Variants in AP1B1 observed in about 807,000 individuals in gnomAD.
AP1B1 encodes AP-1 complex subunit beta-1.
In AP1B1, 36 loss-of-function variants were observed where a neutral mutation model predicts 104.3. That is an observed-to-expected ratio of 0.35 (90% CI 0.26 to 0.46). The LOEUF is 0.46. Among genes scored for constraint, AP1B1 ranks in the 20% least tolerant of loss-of-function variants. AP1B1 has a pLI of 1.00. For missense variants in AP1B1, 901 were observed against 1,247.9 expected (o/e 0.72, Z 4.19); for synonymous variants, 504 against 517.5 (o/e 0.97, Z 0.35).
chr22:29,385,018 G>A (rs1010138178), intron 1 of AP1B1, among the ~76,000 whole-genome samples: 16 of 152,190 alleles, frequency 1.1e-4, no homozygotes, highest in African/African-American at 3.9e-4. Flanking sequence ...CTCCAGCTAG[G>A]CAGGTAAGGT....
At chr22:29,383,939 A>C (rs1271779398) in intron 1 of AP1B1, among the ~76,000 whole-genome samples, 1 of 152,188 alleles carries the variant, frequency 6.6e-6, no homozygotes, top group East Asian at 1.9e-4. Context: ...AAAGACCCAG[A>C]CAGCATGAGG....
chr22:29,378,747 T>C (rs174771), intron 1 of AP1B1, among the ~76,000 whole-genome samples: 58,005 of 149,600 alleles, frequency 0.39, 12,243 homozygotes, highest in Admixed American at 0.53. Context: ...TAGTCCCAGC[T>C]ACTCGGGAGG....
At chr22:29,382,029 A>T (rs60503689) in intron 1 of AP1B1, among the ~76,000 whole-genome samples, 2,052 of 152,024 alleles carry the variant, frequency 0.013, 57 homozygotes, top group African/African-American at 0.046. Context: ...AACAAAAAAA[A>T]AATACCTTTC....
At chr22:29,335,258 C>T (rs955706504) in intron 16 of AP1B1, among the ~76,000 whole-genome samples, 23 of 152,140 alleles carry the variant, frequency 1.5e-4, no homozygotes, top group African/African-American at 5.6e-4. Context: ...GCCTCTCAGG[C>T]GGTTACTCTC....
intron 1 of AP1B1, among the ~76,000 whole-genome samples, chr22:29,372,055 A>G (rs912938224): frequency 2.0e-5 from 3 of 152,194 alleles, no homozygotes; most frequent in African/African-American, 7.2e-5. Context: ...TCTCACACCC[A>G]CATTTGAAAG....
intron 8 of AP1B1, 164 bp from the exon 9 acceptor site, chr22:29,351,430 A>G (rs1225377296): frequency 1.1e-6 from 1 of 929,856 alleles, no homozygotes. Flanking sequence ...CTGAAAAGGA[A>G]AGAAGGCCTG....
chr22:29,373,637 A>G (rs5763172), intron 1 of AP1B1, among the ~76,000 whole-genome samples: 56,672 of 152,040 alleles, frequency 0.37, 11,482 homozygotes, highest in East Asian at 0.68. Flanking sequence ...TGCTGGGCGC[A>G]GAGGCCTGTA....
chr22:29,351,104 C>T, intron 9 of AP1B1, 67 bp downstream of exon 9: 1 of 1,468,516 alleles, frequency 6.8e-7, no homozygotes, highest in Admixed American at 1.8e-5. Flanking sequence ...CTGCTTGAAT[C>T]AGACTGGTTT....
chr22:29,359,923 C>G lies in AP1B1; in HGVS notation c.180G>C (p.Thr60=). The change falls in exon 4 of 23, where the codon ACG becomes ACC. Residue 60 remains threonine, a synonymous_variant. Coordinates refer to ENST00000357586, the MANE Select transcript of AP1B1 (RefSeq NM_001127.4). ...LFPDVVNCMQ[T]DNLELKKLVY... is the part of the protein sequence containing the mutation. The stretch of plus-strand genomic sequence containing the variant: ...CTAGCTTCTTCAGCTCCAGGTTGTC[C>G]GTCTGCATGCAGTTGACCACATCGG... The G allele has an allele frequency of 1.2e-6, 2 of 1,613,986 alleles. No individual in the cohort carries two copies. The highest frequency in any genetic ancestry group is 1.7e-6 in the Non-Finnish European group (2 of 1,179,934).
chr22:29,376,652 A>G (rs974081407), intron 1 of AP1B1, among the ~76,000 whole-genome samples: 3 of 129,652 alleles, frequency 2.3e-5, no homozygotes, highest in East Asian at 7.1e-4. Flanking sequence ...AAGTTAGGGA[A>G]GAGTGGAAAA....
intron 7 of AP1B1, among the ~76,000 whole-genome samples, 154 bp from the exon 8 acceptor site, chr22:29,351,979 A>G (rs1187689544): frequency 6.6e-6 from 1 of 152,230 alleles, no homozygotes; most frequent in African/African-American, 2.4e-5. Flanking sequence ...GCTCCTGGGT[A>G]GAGGGCCCAG....
intron 1 of AP1B1, among the ~76,000 whole-genome samples, chr22:29,368,082 G>A (rs1303961964): frequency 1.3e-5 from 2 of 152,272 alleles, no homozygotes; most frequent in African/African-American, 4.8e-5. Context: ...TGGATCACCT[G>A]AGGTCAGGAG....
In AP1B1 at chr22:29,329,452, T is replaced by C. The variant is rs116730528; in HGVS notation, c.2775+260A>G. ...AAAGCACTGGTTCTGCAGGGTGCAG[T>C]TAGGAAGTGGGAACAATGGAGTTCC... On this transcript the variant is annotated intron_variant, in intron 22 of 22. Transcript: ENST00000357586. 1.9e-3 allele frequency: 2,564 copies of C among 1,362,586 alleles called. 51 individuals carry two copies. The African/African-American group carries it at 0.032, about 17-fold the overall frequency. 84.4% of individuals were successfully genotyped at this position (1,362,586 alleles called of 1,614,324 possible). A position where few individuals can be genotyped will look rare whatever the true frequency, so the allele number is the denominator to read the frequency against.
chr22:29,385,882 G>C (rs1396201046), intron 1 of AP1B1, among the ~76,000 whole-genome samples: 1 of 152,214 alleles, frequency 6.6e-6, no homozygotes, highest in Non-Finnish European at 1.5e-5. Context: ...GTTAAGACAT[G>C]CAAGAGTTTC....
At chr22:29,387,403 G>A (rs776450355) in intron 1 of AP1B1, among the ~76,000 whole-genome samples, 1 of 151,866 alleles carries the variant, frequency 6.6e-6, no homozygotes, top group African/African-American at 2.4e-5. Flanking sequence ...CACCTCCTGG[G>A]TTCAAGCGAT....
chr22:29,355,804 T>C (rs968003959), intron 6 of AP1B1, among the ~76,000 whole-genome samples: 3 of 151,038 alleles, frequency 2.0e-5, no homozygotes, highest in Admixed American at 6.6e-5. Context: ...GGAGAATTGA[T>C]TGAGCCCTGC....
Position 29,358,794 on chromosome 22 carries a change from C to A in AP1B1, c.457G>T (p.Ala153Ser), listed in dbSNP as rs1219112521. The A allele has an allele frequency of 1.2e-6, 2 of 1,614,088 alleles. No homozygotes were observed. Among genetic ancestry groups the A allele is most frequent in the Admixed American group, 3.3e-5 (2 of 60,000 alleles). Residue 153 changes from alanine (A) to serine (S), a missense_variant, in exon 5 of 23, where the codon GCC (alanine) becomes TCC (serine). By Grantham distance (99) the Ala-to-Ser change is moderately conservative. This residue lies in a region of AP1B1 where 471 missense variants were observed against 696.7 expected (regional missense o/e 0.68). Transcript: ENST00000357586. ...AAGCCCTGGTCCTCCACCAGCTGGG[C>A]GTTGATGTCGTGGAGCTTGGCCACG... ...VCVAKLHDIN[A>S]QLVEDQGFLD...
chr22:29,342,314 C>T lies in AP1B1; in HGVS notation c.1507G>A (p.Val503Met). The T allele has an allele frequency of 6.2e-7, 1 of 1,614,088 alleles. No homozygotes were observed. Among genetic ancestry groups the T allele is most frequent in the Non-Finnish European group, 8.5e-7 (1 of 1,179,968 alleles). Reference sequence around the variant, plus strand: ...GTGGCCAAACTGAGGACCTGCTGCACCAGCTCCTGGGTCTCTGTTGGCTTC... The same window carrying T: ...GTGGCCAAACTGAGGACCTGCTGCATCAGCTCCTGGGTCTCTGTTGGCTTC... ...LKKPTETQEL[V>M]QQVLSLATQD... The change falls in exon 12 of 23, where the codon GTG (valine) becomes ATG (methionine). Residue 503 changes from valine to methionine, a missense_variant. Coordinates refer to ENST00000357586, the MANE Select transcript of AP1B1 (RefSeq NM_001127.4).
chr22:29,339,875 G>T, intron 14 of AP1B1, 101 bp from the exon 15 acceptor site: 1 of 1,278,744 alleles, frequency 7.8e-7, no homozygotes. Flanking sequence ...GGGAAAGAGG[G>T]AGATTAGTCA....
Sources: gnomAD v4.1 joint callset for allele counts (sites outside exome capture counted in the v4.1 genomes callset) on GRCh38, gnomAD v4.1.1 for gene constraint, gnomAD v4.1.1 regional missense constraint, MANE v1.5 for transcripts, NCBI Gene and HGNC (gene_info 2026-07-23, HGNC 2026-07-21) for gene names.